MCF2L: variants seen among roughly 807,000 people sequenced by gnomAD.
The protein encoded by MCF2L is guanine nucleotide exchange factor DBS.
In MCF2L, 97 loss-of-function variants were observed where a neutral mutation model predicts 153.4. The observed-to-expected ratio is 0.63, with a 90% CI of 0.54 to 0.75. MCF2L has a LOEUF of 0.75. MCF2L is among the 30% of genes least tolerant of loss of function. The probability of loss-of-function intolerance (pLI) is 0.00; values close to 1 mark genes in which losing one functional copy is unlikely to be tolerated. For missense variants in MCF2L, 1,347 were observed against 1,495.2 expected (o/e 0.90, Z 1.64); for synonymous variants, 659 against 632.2 (o/e 1.04, Z -0.64).
intron 2 of MCF2L, among the ~76,000 whole-genome samples, chr13:112,911,421 G>T (rs900981120): frequency 6.6e-6 from 1 of 152,214 alleles, no homozygotes; most frequent in African/African-American, 2.4e-5. Flanking sequence ...CGGCCCAGCC[G>T]CTAGTCCTGT....
At chr13:112,982,201 C>T (rs2082458188) in intron 1 of MCF2L, among the ~76,000 whole-genome samples, 1 of 152,186 alleles carries the variant, frequency 6.6e-6, no homozygotes, top group African/African-American at 2.4e-5. Context: ...GCAGAGAAGC[C>T]CCACGTACTC....
At chr13:112,994,869 G>A (rs886814989) in intron 1 of MCF2L, among the ~76,000 whole-genome samples, 5 of 152,240 alleles carry the variant, frequency 3.3e-5, no homozygotes, top group African/African-American at 4.8e-5. Context: ...CCAGGCCTGC[G>A]CTTCCCCTGT....
At chr13:112,911,039 G>A (rs910407216) in intron 2 of MCF2L, among the ~76,000 whole-genome samples, 3 of 152,164 alleles carry the variant, frequency 2.0e-5, no homozygotes. Flanking sequence ...TGACTCTCTC[G>A]CCCCTGCCCT....
rs529405615 is a variant in MCF2L, at chr13:112,979,826, C to T, written c.79+10368C>T. The T allele has an allele frequency of 1.0e-3, 1,487 of 1,426,752 alleles. 3 individuals carry two copies. The highest frequency in any genetic ancestry group is 1.3e-3 in the Non-Finnish European group (1,356 of 1,052,096). The allele number at this position is 1,426,752 out of a possible 1,614,324, so 88.4% of individuals were successfully genotyped here. A position where few individuals can be genotyped will look rare whatever the true frequency, so the allele number is the denominator to read the frequency against. ...GTCCCCTCTGCAGGTGTCCTCTCTG[C>T]GGGCAGGTGCCTCCCTGGGGTATTT... On this transcript the variant is annotated intron_variant, in intron 1 of 29. Coordinates refer to ENST00000535094, the MANE Select transcript of MCF2L (RefSeq NM_001112732.3).
At position 113,098,870 on chromosome 13, in the gene MCF2L, A is replaced by G. The variant is rs951056059; in HGVS notation, c.*2011A>G. The G allele has an allele frequency of 2.6e-5, 4 of 152,352 alleles. No homozygotes were observed. Among genetic ancestry groups the G allele is most frequent in the African/African-American group, 7.2e-5 (3 of 41,460 alleles). 9.4% of individuals were successfully genotyped at this position (152,352 alleles called of 1,614,324 possible). A position where few individuals can be genotyped will look rare whatever the true frequency, so the allele number is the denominator to read the frequency against. On this transcript the variant is annotated 3_prime_UTR_variant, in exon 30 of 30. Transcript: ENST00000535094. ...GAGCATAAAGAAAGGGTATTGATCC[A>G]ATAGAAGAAGGGAAGGGTGGAGAAA...
At chr13:112,926,348 G>A (rs1025163754) in intron 2 of MCF2L, among the ~76,000 whole-genome samples, 2 of 151,824 alleles carry the variant, frequency 1.3e-5, no homozygotes, top group African/African-American at 4.8e-5. Context: ...CATACACAAC[G>A]GAGTGCTGCA....
chr13:112,934,583 T>TGCTGCTGCTGCTGCTGCTGCTG (rs1555351939), intron 2 of MCF2L, among the ~76,000 whole-genome samples: 21 of 152,184 alleles, frequency 1.4e-4, no homozygotes, highest in East Asian at 3.9e-4. Context: ...CTGCTGCTGG[T>TGCTGCTGCTGCTGCTGCTGCTG]CTGGAGACCC....
rs531957942 is a variant in MCF2L at position 113,060,533 on chromosome 13, TA to T, written c.370-59del. Reference sequence around the variant, plus strand: ...TCAGCCCAGCGTGCAGGCACCGCACTAGGGGGGCTGCTGTCTGCAGAGCACG... The same window carrying T: ...TCAGCCCAGCGTGCAGGCACCGCACTGGGGGGCTGCTGTCTGCAGAGCACG... On this transcript the variant is annotated intron_variant, in intron 4 of 29. Coordinates refer to ENST00000535094, the MANE Select transcript of MCF2L (RefSeq NM_001112732.3). 62 of 1,595,652 alleles carry T rather than the reference TA, an allele frequency of 3.9e-5. No individual in the cohort carries two copies. The East Asian group carries it at 1.1e-3, about 29-fold the overall frequency.
chr13:113,016,635 G>T (rs550959228), intron 2 of MCF2L, among the ~76,000 whole-genome samples: 1 of 150,476 alleles, frequency 6.6e-6, no homozygotes, highest in Non-Finnish European at 1.5e-5. Flanking sequence ...TGCTGCCCCC[G>T]CGTCGTATCC....
chr13:112,975,779 G>A (rs567597787), intron 1 of MCF2L, among the ~76,000 whole-genome samples: 1 of 152,348 alleles, frequency 6.6e-6, no homozygotes, highest in Admixed American at 6.5e-5. Flanking sequence ...CTGAGAGGAA[G>A]GGTCTGTGGT....
At chr13:112,996,676 G>A (rs938078880) in intron 1 of MCF2L, among the ~76,000 whole-genome samples, 1 of 152,222 alleles carries the variant, frequency 6.6e-6, no homozygotes. Flanking sequence ...GGATGCGCCC[G>A]ATGGTCCCGA....
chr13:112,999,178 C>G (rs1019196573), intron 1 of MCF2L, among the ~76,000 whole-genome samples: 52 of 152,222 alleles, frequency 3.4e-4, no homozygotes, highest in African/African-American at 1.2e-3. Context: ...GCCAGACCGC[C>G]TGGGTCTGCC....
At chr13:112,966,303 G>A (rs1206458748), upstream of MCF2L, among the ~76,000 whole-genome samples, 2 of 152,254 alleles carry the variant, frequency 1.3e-5, no homozygotes, top group African/African-American at 2.4e-5. The surrounding 1 kb of genome is among the most constrained non-coding windows in gnomAD (Gnocchi z 4.1). Context: ...AATTGTGGGT[G>A]TTGGAAGGTC....
At position 113,025,202 on chromosome 13, in the gene MCF2L, T is replaced by C. The variant is rs1170330082; in HGVS notation, c.278+444T>C. On this transcript the variant is annotated intron_variant, in intron 3 of 29. Coordinates refer to ENST00000535094, the MANE Select transcript of MCF2L (RefSeq NM_001112732.3). ...CAGAGTCCCTGTGAGGTTTCCCCATTGTGGGGTCCCCGTGACTGTGGGTCG... is the reference window on the plus strand; with the variant it reads ...CAGAGTCCCTGTGAGGTTTCCCCATCGTGGGGTCCCCGTGACTGTGGGTCG... Among the ~76,000 whole-genome samples, 7 of 58,116 alleles carry C rather than the reference T, an allele frequency of 1.2e-4. 1 individual carries two copies. The highest frequency in any genetic ancestry group is 0.011 in the Middle Eastern group (1 of 94). The allele number at this position is 58,116 out of a possible 152,430, so 38.1% of individuals were successfully genotyped here. A position where few individuals can be genotyped will look rare whatever the true frequency, so the allele number is the denominator to read the frequency against.
intron 3 of MCF2L, among the ~76,000 whole-genome samples, chr13:113,033,674 C>T (rs1056117600): frequency 4.6e-5 from 7 of 152,148 alleles, no homozygotes; most frequent in African/African-American, 1.7e-4. Flanking sequence ...TCAGGGCTAC[C>T]CTTGTCTGCC....
chr13:113,041,536 T>G (rs561545332), intron 3 of MCF2L, among the ~76,000 whole-genome samples: 5 of 151,738 alleles, frequency 3.3e-5, no homozygotes, highest in Admixed American at 3.3e-4. Context: ...GGGGATCACG[T>G]GGCCCTGCCC....
intron 1 of MCF2L, among the ~76,000 whole-genome samples, chr13:112,996,801 G>GTGCC (rs1205864565): frequency 6.6e-6 from 1 of 152,238 alleles, no homozygotes; most frequent in Non-Finnish European, 1.5e-5. Context: ...ATGGCTGGCA[G>GTGCC]TGCCGCCCAC....
chr13:112,970,826 ACTGT>A (rs1280948651), intron 1 of MCF2L, among the ~76,000 whole-genome samples: 2 of 152,126 alleles, frequency 1.3e-5, no homozygotes, highest in East Asian at 1.9e-4. Context: ...CAGCAGTGAC[ACTGT>A]CTGCTCACTG....
Position 112,943,052 on chromosome 13 carries a change from C to G in MCF2L, c.169+40681C>G, listed in dbSNP as rs2081592451. Among the ~76,000 whole-genome samples, 1 of 152,184 alleles carries G rather than the reference C, an allele frequency of 6.6e-6. No individual in the cohort carries two copies. Among genetic ancestry groups the G allele is most frequent in the African/African-American group, 2.4e-5 (1 of 41,460 alleles). ...TTTGGAAGAAATGGAAATGCAGAGC[C>G]AGGAAGGCGCTCAGAGAGGCCTGAG... On this transcript the variant is annotated intron_variant, in intron 2 of 29. Transcript: ENST00000375608. This position sits in a 1 kb window ranked among gnomAD's most constrained non-coding sequence, Gnocchi z 4.2.
Sources: gnomAD v4.1 joint callset for allele counts (sites outside exome capture counted in the v4.1 genomes callset) on GRCh38, gnomAD v4.1.1 for gene constraint, Gnocchi (gnomAD v3.1) non-coding constraint, MANE v1.5 for transcripts, NCBI Gene and HGNC (gene_info 2026-07-23, HGNC 2026-07-21) for gene names.